The following SLC19A1 variants were observed in gnomAD, a reference collection of about 807,000 sequenced individuals.
SLC19A1 encodes solute carrier family 19 member 1.
In SLC19A1, 37 loss-of-function variants were observed where a neutral mutation model predicts 35.3. The ratio of observed to expected loss-of-function variants is 1.05; its 90% confidence interval spans 0.81 to 1.38. The LOEUF is 1.38. Ranked by LOEUF, SLC19A1 falls within the 40% of genes most tolerant of loss-of-function variation. The pLI is 0.00. For synonymous variants in SLC19A1, 460 were observed against 398.5 expected (o/e 1.15, Z -1.84); for missense variants, 831 against 826.9 (o/e 1.00, Z -0.06).
intron 1 of SLC19A1, among the ~76,000 whole-genome samples, chr21:45,550,020 T>C (rs2146487302): frequency 6.6e-6 from 1 of 152,196 alleles, no homozygotes; most frequent in East Asian, 1.9e-4. Context: ...TCTTGGGAAC[T>C]GTCTCTCCCC....
In SLC19A1 at chr21:45,515,589, C is replaced by A. The variant is rs890939415; in HGVS notation, c.*69G>T. On this transcript the variant is annotated 3_prime_UTR_variant, in exon 6 of 6. Coordinates refer to ENST00000311124, the MANE Select transcript of SLC19A1 (RefSeq NM_194255.4). ...AGGCCCCCATTGCTAAGGCAGGCGG[C>A]CCTCGAGGCAGGGGTCGTGGGGATG... is the stretch of plus-strand genomic sequence containing the variant. The A allele has an allele frequency of 9.7e-5, 154 of 1,594,180 alleles. 1 individual carries two copies. The African/African-American group carries it at 1.9e-3, about 19-fold the overall frequency.
chr21:45,509,459 C>T (rs2037441588), downstream of SLC19A1: 5 of 1,532,508 alleles, frequency 3.3e-6, no homozygotes, highest in East Asian at 7.3e-5. Flanking sequence ...CCCTGGCGGG[C>T]AGATGACATC....
At chr21:45,527,610 A>AGTG in intron 4 of SLC19A1, among the ~76,000 whole-genome samples, 3 of 77,434 alleles carry the variant, frequency 3.9e-5, no homozygotes, top group Admixed American at 1.3e-4. Context: ...CCTGGAGGTG[A>AGTG]GTGGCAGCCA....
At chr21:45,546,183 C>A (rs2078413841), upstream of SLC19A1, among the ~76,000 whole-genome samples, 1 of 152,248 alleles carries the variant, frequency 6.6e-6, no homozygotes, top group Non-Finnish European at 1.5e-5. Context: ...GCCGGGCCAC[C>A]GTCCTCAGCA....
At chr21:45,523,298 T>C (rs192914060) in intron 5 of SLC19A1, among the ~76,000 whole-genome samples, 3 of 152,274 alleles carry the variant, frequency 2.0e-5, no homozygotes, top group East Asian at 1.9e-4. Context: ...AATGCCCCAC[T>C]AGTTAACTTT....
intron 3 of SLC19A1, chr21:45,504,624 CCAGCCCGG>C: frequency 2.8e-6 from 4 of 1,429,682 alleles, no homozygotes; most frequent in Non-Finnish European, 3.8e-6. Flanking sequence ...GAGGGCAGGT[CCAGCCCGG>C]CCTTCGACAC....
At chr21:45,512,192 CAGA>C, downstream of SLC19A1, 1 of 1,612,100 alleles carries the variant, frequency 6.2e-7, no homozygotes. Flanking sequence ...TTACAGGCCC[CAGA>C]AGAGCGTGTG....
chr21:45,531,452 C>A lies in SLC19A1; in HGVS notation c.886G>T (p.Asp296Tyr). 6.2e-7 allele frequency: 1 copy of A among 1,611,958 alleles called. No homozygotes were observed. ...YYVHILWNEV[D>Y]PTTNSARVYN... Reference sequence around the variant, plus strand: ...ACCCGCGCACTGTTGGTGGTGGGGTCCACCTCGTTCCACAGGATGTGCACG... The same window carrying A: ...ACCCGCGCACTGTTGGTGGTGGGGTACACCTCGTTCCACAGGATGTGCACG... Residue 296 changes from aspartate to tyrosine, a missense_variant, in exon 3 of 6, where the codon GAC (aspartate) becomes TAC (tyrosine). Coordinates refer to ENST00000311124, the MANE Select transcript of SLC19A1 (RefSeq NM_194255.4).
intron 2 of SLC19A1, among the ~76,000 whole-genome samples, chr21:45,535,192 C>T (rs1311921178): frequency 1.3e-5 from 2 of 152,232 alleles, no homozygotes; most frequent in South Asian, 2.1e-4. Context: ...TGGAGGAGGG[C>T]GGGGGCTGCA....
rs886685923 is a variant in SLC19A1 at position 45,549,441 on chromosome 21, TG to T, written c.-49-11434del. 3.3e-5 allele frequency among the ~76,000 whole-genome samples: 5 copies of T among 151,384 alleles called. 1 individual carries two copies. The highest frequency in any genetic ancestry group is 3.3e-4 in the Admixed American group (5 of 15,202). On this transcript the variant is annotated intron_variant, in intron 1 of 5. Coordinates refer to the SLC19A1 transcript ENST00000650808. ...CTTCTAATGGGTGCAATTTATGGCA[TG>T]TGAATTGCACCTCGATAAAATTGTT...
intron 5 of SLC19A1, among the ~76,000 whole-genome samples, chr21:45,525,259 T>C (rs528838022): frequency 1.3e-5 from 2 of 152,298 alleles, no homozygotes; most frequent in East Asian, 3.9e-4. Flanking sequence ...CTGAGGAGCC[T>C]GGAAGGACCT....
At chr21:45,549,841 C>T (rs1403587235) in intron 1 of SLC19A1, among the ~76,000 whole-genome samples, 3 of 151,218 alleles carry the variant, frequency 2.0e-5, no homozygotes, top group East Asian at 1.9e-4. Context: ...GACAGCTGGG[C>T]GCACACTGTG....
At chr21:45,523,555 C>T (rs923173866) in intron 5 of SLC19A1, among the ~76,000 whole-genome samples, 14 of 152,184 alleles carry the variant, frequency 9.2e-5, no homozygotes, top group African/African-American at 2.9e-4. Context: ...AGAAGCCCAC[C>T]GTGAGGGGTC....
At chr21:45,509,541 C>T (rs1201375794), downstream of SLC19A1, 5 of 1,538,504 alleles carry the variant, frequency 3.2e-6, no homozygotes, top group Admixed American at 1.9e-5. Flanking sequence ...CCTACGTGCA[C>T]CTGCGGCCGG....
At chr21:45,511,612 G>A (rs2037612316), downstream of SLC19A1, among the ~76,000 whole-genome samples, 3 of 152,040 alleles carry the variant, frequency 2.0e-5, no homozygotes, top group South Asian at 6.2e-4. Flanking sequence ...TTAAAATGTT[G>A]ACAGAAATTT....
intron 2 of SLC19A1, among the ~76,000 whole-genome samples, chr21:45,535,048 G>C (rs984039233): frequency 6.6e-6 from 1 of 152,274 alleles, no homozygotes; most frequent in Non-Finnish European, 1.5e-5. Flanking sequence ...CAGGACGCGA[G>C]GGCAGGGCCA....
intron 4 of SLC19A1, among the ~76,000 whole-genome samples, chr21:45,526,622 C>T (rs140050591): frequency 1.3e-5 from 2 of 152,304 alleles, no homozygotes; most frequent in African/African-American, 4.8e-5. Context: ...GTTGCCCAGG[C>T]GTGCAATGGC....
upstream of SLC19A1, among the ~76,000 whole-genome samples, chr21:45,548,420 G>A (rs1426875088): frequency 4.6e-5 from 7 of 152,178 alleles, no homozygotes; most frequent in Non-Finnish European, 8.8e-5. Context: ...GCTTACAACT[G>A]AGTAATAAGA....
chr21:45,533,156 AC>A lies in SLC19A1; in HGVS notation c.190-1009del, dbSNP rs906764344. On this transcript the variant is annotated intron_variant, in intron 2 of 5. Transcript: ENST00000311124. This position sits in a 1 kb window ranked among gnomAD's most constrained non-coding sequence, Gnocchi z 4.5. ...ACAGGCTGTCAGCCTGCCCACCCCCACCTCCTCCATCACATGTTATGTGGGA... is the reference window on the plus strand; with the variant it reads ...ACAGGCTGTCAGCCTGCCCACCCCCACTCCTCCATCACATGTTATGTGGGA... Among the ~76,000 whole-genome samples, 4 of 151,940 alleles carry A rather than the reference AC, an allele frequency of 2.6e-5. No individual in the cohort carries two copies. The highest frequency in any genetic ancestry group is 9.7e-5 in the African/African-American group (4 of 41,346).
Sources: gnomAD v4.1 joint callset for allele counts (sites outside exome capture counted in the v4.1 genomes callset) on GRCh38, gnomAD v4.1.1 for gene constraint, Gnocchi (gnomAD v3.1) non-coding constraint, MANE v1.5 for transcripts, NCBI Gene and HGNC (gene_info 2026-07-23, HGNC 2026-07-21) for gene names.